SNX13: variants seen among roughly 807,000 people sequenced by gnomAD.
The protein encoded by SNX13 is sorting nexin-13.
SNX13 carries 45 observed loss-of-function variants against 133.6 expected under a neutral mutation model. The observed-to-expected ratio is 0.34, with a 90% confidence interval of 0.27 to 0.43. The LOEUF is 0.43. SNX13 is among the 20% of genes least tolerant of loss of function. SNX13 has a pLI of 1.00. For missense variants in SNX13, 1,032 were observed against 1,145.1 expected, an observed-to-expected ratio of 0.90 and a Z score of 1.43; for synonymous variants, 414 against 373.9, an observed-to-expected ratio of 1.11 and a Z score of -1.24.
intron 11 of SNX13, 58 bp from the exon 12 acceptor site, chr7:17,845,752 G>A (rs1039153673): frequency 6.9e-5 from 84 of 1,209,658 alleles, no homozygotes; most frequent in African/African-American, 4.9e-4. Context: ...TGTTAAAGAT[G>A]TGTACATAAA....
chr7:17,852,873 CAG>C (rs760017739), intron 9 of SNX13, among the ~76,000 whole-genome samples: 2 of 152,112 alleles, frequency 1.3e-5, no homozygotes, highest in Non-Finnish European at 2.9e-5. Flanking sequence ...TCCACAGTAA[CAG>C]AAGAAAATAT....
intron 2 of SNX13, among the ~76,000 whole-genome samples, chr7:17,895,681 A>G (rs1445604407): frequency 1.3e-5 from 2 of 152,184 alleles, no homozygotes; most frequent in South Asian, 4.1e-4. Flanking sequence ...CAACATTTAA[A>G]AAAGGAACAA....
At chr7:17,896,038 C>T (rs1797167931) in intron 2 of SNX13, among the ~76,000 whole-genome samples, 1 of 152,116 alleles carries the variant, frequency 6.6e-6, no homozygotes, top group Non-Finnish European at 1.5e-5. Flanking sequence ...ATAAATGCAG[C>T]CTCGACTCTG....
chr7:17,857,544 G>A (rs1792071927), intron 9 of SNX13, among the ~76,000 whole-genome samples: 1 of 152,182 alleles, frequency 6.6e-6, no homozygotes, highest in Admixed American at 6.5e-5. Flanking sequence ...CAGCACTTTG[G>A]GAGGCCGAGG....
intron 20 of SNX13, among the ~76,000 whole-genome samples, chr7:17,806,859 G>A (rs1439140798): frequency 6.6e-6 from 1 of 152,220 alleles, no homozygotes; most frequent in Non-Finnish European, 1.5e-5. Flanking sequence ...AAGGGGTCAG[G>A]GAACTCCTTC....
intron 5 of SNX13, among the ~76,000 whole-genome samples, chr7:17,886,594 A>T (rs1414859944): frequency 1.3e-5 from 2 of 152,078 alleles, no homozygotes; most frequent in African/African-American, 2.4e-5. Flanking sequence ...CGTCTCAAAA[A>T]AAAAAAGAAT....
At chr7:17,934,932 A>G (rs1199283070) in intron 1 of SNX13, among the ~76,000 whole-genome samples, 1 of 152,248 alleles carries the variant, frequency 6.6e-6, no homozygotes. Flanking sequence ...TGTAGGTAGA[A>G]ATGCAAATTA....
intron 13 of SNX13, among the ~76,000 whole-genome samples, chr7:17,835,069 G>A (rs1242368311): frequency 6.6e-6 from 1 of 151,760 alleles, no homozygotes; most frequent in East Asian, 1.9e-4. Context: ...ATAGCAGGCT[G>A]GCAAACAAAC....
intron 1 of SNX13, among the ~76,000 whole-genome samples, chr7:17,935,793 C>A (rs1452736000): frequency 6.6e-6 from 1 of 152,156 alleles, no homozygotes; most frequent in Admixed American, 6.5e-5. Flanking sequence ...CCTCTGAATG[C>A]CAGTGGACCT....
chr7:17,794,726 C>T (rs573246371), intron 25 of SNX13: 1 of 152,234 alleles, frequency 6.6e-6, no homozygotes, highest in Non-Finnish European at 1.5e-5. Context: ...TAATATTATA[C>T]AAATATTCTT....
At chr7:17,860,838 G>A (rs1287895989) in intron 9 of SNX13, among the ~76,000 whole-genome samples, 1 of 152,162 alleles carries the variant, frequency 6.6e-6, no homozygotes, top group African/African-American at 2.4e-5. Context: ...CTTTATGCCA[G>A]CACCATACAG....
At chr7:17,910,516 A>C (rs2714866) in intron 1 of SNX13, among the ~76,000 whole-genome samples, 67,026 of 151,958 alleles carry the variant, frequency 0.44, 15,202 homozygotes, top group South Asian at 0.66. Flanking sequence ...GTTTCTCAAA[A>C]AATTGAACAC....
In SNX13 at chr7:17,873,606, C is replaced by A; in HGVS notation, c.675G>T (p.Arg225Ser). ...TSPKDEEGFL[R>S]DLCEVLLYLL... ...AATATAGTAAGACCTCACACAAATC[C>A]CTTAGGAATCCTAAAAGTAGAAAAA... Residue 225 changes from arginine (R) to serine (S), a missense_variant, in exon 8 of 26, where the codon AGG (arginine) becomes AGT (serine). Coordinates refer to ENST00000428135, the MANE Select transcript of SNX13 (RefSeq NM_015132.5). 1 of 1,555,892 alleles carries A rather than the reference C, an allele frequency of 6.4e-7. No individual in the cohort carries two copies. The highest frequency in any genetic ancestry group is 8.7e-7 in the Non-Finnish European group (1 of 1,151,356).
rs536185706 is a variant in SNX13 at position 17,844,234 on chromosome 7, A to G, written c.1165+1361T>C. 4.5e-4 allele frequency among the ~76,000 whole-genome samples: 69 copies of G among 152,110 alleles called. 2 individuals are homozygous for G. The South Asian group carries it at 0.012, about 27-fold the overall frequency. On this transcript the variant is annotated intron_variant, in intron 12 of 25. Coordinates refer to ENST00000428135, the MANE Select transcript of SNX13 (RefSeq NM_015132.5). ...ACTAAAATCGGAAGTGAAAGTGGGG[A>G]TATTACTAATGACTCTACAAAACTA... is the stretch of plus-strand genomic sequence containing the variant.
chr7:17,861,978 C>A (rs1792762542), intron 9 of SNX13, among the ~76,000 whole-genome samples: 1 of 152,110 alleles, frequency 6.6e-6, no homozygotes, highest in Non-Finnish European at 1.5e-5. Context: ...CTTGAGGAGG[C>A]AAGAAGTGAG....
chr7:17,932,215 C>T (rs10227501), intron 1 of SNX13, among the ~76,000 whole-genome samples: 89,792 of 151,956 alleles, frequency 0.59, 27,197 homozygotes, highest in Admixed American at 0.66. Context: ...AGATACAAAA[C>T]AAAATCCAAG....
intron 1 of SNX13, among the ~76,000 whole-genome samples, chr7:17,925,503 A>G (rs550627696): frequency 6.6e-6 from 1 of 152,368 alleles, no homozygotes; most frequent in East Asian, 1.9e-4. Context: ...GCTAAAGGAC[A>G]GACATACAGA....
At chr7:17,804,481 T>C (rs1784968732) in intron 20 of SNX13, among the ~76,000 whole-genome samples, 1 of 152,010 alleles carries the variant, frequency 6.6e-6, no homozygotes, top group Non-Finnish European at 1.5e-5. Flanking sequence ...GACATGTAAA[T>C]CTTATCTTAG....
chr7:17,819,222 A>G (rs1452160504), intron 18 of SNX13, among the ~76,000 whole-genome samples: 1 of 152,188 alleles, frequency 6.6e-6, no homozygotes, highest in Admixed American at 6.5e-5. Context: ...TAGCTCATAC[A>G]TTTAGCTTGG....
Sources: gnomAD v4.1 joint callset for allele counts (sites outside exome capture counted in the v4.1 genomes callset) on GRCh38, gnomAD v4.1.1 for gene constraint, MANE v1.5 for transcripts, NCBI Gene and HGNC (gene_info 2026-07-23, HGNC 2026-07-21) for gene names.